Variants in MARCHF1 observed in about 807,000 individuals in gnomAD.
MARCHF1 encodes E3 ubiquitin-protein ligase MARCHF1.
In MARCHF1, 40 loss-of-function variants were observed where a neutral mutation model predicts 54.2. The ratio of observed to expected loss-of-function variants is 0.74; its 90% CI spans 0.57 to 0.96. The LOEUF (loss-of-function observed/expected upper bound fraction) is 0.96, where lower values mean the gene tolerates loss of function less well. Among genes scored for constraint, MARCHF1 ranks in the 40% least tolerant of loss-of-function variants. MARCHF1 has a pLI of 0.00. For missense variants in MARCHF1, 586 were observed against 656.5 expected (o/e 0.89, Z 1.17); for synonymous variants, 236 against 236.3 (o/e 1.00, Z 0.01).
chr4:163,542,675 G>A (rs1288092886), intron 9 of MARCHF1, among the ~76,000 whole-genome samples: 1 of 152,192 alleles, frequency 6.6e-6, no homozygotes, highest in Non-Finnish European at 1.5e-5. Context: ...AGAATCACCT[G>A]TAGGCTTCTT....
At chr4:163,658,025 A>G (rs1293988186) in intron 5 of MARCHF1, among the ~76,000 whole-genome samples, 2 of 152,034 alleles carry the variant, frequency 1.3e-5, no homozygotes, top group Non-Finnish European at 2.9e-5. Context: ...GACAAAAATC[A>G]CCAAAAGCAA....
rs1741398896 is a variant in MARCHF1, at chr4:163,613,039, C to A, written c.243-1G>T. On this transcript the variant is annotated splice_acceptor_variant, in intron 6 of 9. Transcript: ENST00000514618. LOFTEE classifies it high-confidence loss of function. ...TGACATGTCATGCAAGATGGCAGAT[C>A]TAGACAGAGCAGCAGGCAAAGGATG... 1 of 1,477,626 alleles carries A rather than the reference C, an allele frequency of 6.8e-7. No individual in the cohort carries two copies. The highest frequency in any genetic ancestry group is 1.4e-5 in the African/African-American group (1 of 70,352). 91.5% of individuals were successfully genotyped at this position (1,477,626 alleles called of 1,614,324 possible). A position where few individuals can be genotyped will look rare whatever the true frequency, so the allele number is the denominator to read the frequency against.
intron 5 of MARCHF1, among the ~76,000 whole-genome samples, chr4:163,646,161 G>GTT (rs1311818462): frequency 6.6e-6 from 1 of 152,060 alleles, no homozygotes; most frequent in African/African-American, 2.4e-5. Flanking sequence ...GGGAACCTCC[G>GTT]TTAGGTTATC....
chr4:163,907,929 A>C (rs1751107127), intron 3 of MARCHF1, among the ~76,000 whole-genome samples: 1 of 152,120 alleles, frequency 6.6e-6, no homozygotes, highest in African/African-American at 2.4e-5. Context: ...CATACCAGAA[A>C]CCTGAAGACT....
intron 2 of MARCHF1, among the ~76,000 whole-genome samples, chr4:163,989,150 T>C (rs1362359779): frequency 6.6e-6 from 1 of 152,174 alleles, no homozygotes; most frequent in Non-Finnish European, 1.5e-5. Context: ...AAAAGCTTAG[T>C]GTCCTATTTG....
chr4:164,124,070 A>C (rs1280244326), intron 1 of MARCHF1, among the ~76,000 whole-genome samples: 1 of 151,968 alleles, frequency 6.6e-6, no homozygotes, highest in Admixed American at 6.6e-5. Flanking sequence ...AATTGTAATA[A>C]TCTGATCAAA....
chr4:164,241,765 T>A (rs1200438887), intron 1 of MARCHF1, among the ~76,000 whole-genome samples: 1 of 152,050 alleles, frequency 6.6e-6, no homozygotes, highest in Non-Finnish European at 1.5e-5. Flanking sequence ...GGTCAGTGGG[T>A]GCGCGCACAG....
rs962534343 is a variant in MARCHF1 at position 163,968,638 on chromosome 4, A to G, written c.-39+19863T>C. Among the ~76,000 whole-genome samples the G allele has an allele frequency of 7.2e-5, 11 of 152,014 alleles. 1 individual carries two copies. Among genetic ancestry groups the G allele is most frequent in the South Asian group, 4.1e-4 (2 of 4,824 alleles). On this transcript the variant is annotated intron_variant, in intron 3 of 9. Coordinates refer to ENST00000514618, the MANE Select transcript of MARCHF1 (RefSeq NM_001394959.1). ...CTTTATAAACACTTTCTGCTTTCCT[A>G]TGGTTCTGGGGACCTCTTCCCAGTT...
intron 8 of MARCHF1, chr4:163,556,004 A>G (rs976144294): frequency 2.2e-6 from 1 of 456,140 alleles, no homozygotes; most frequent in Admixed American, 2.3e-5. Context: ...AAGCTTTTAA[A>G]AATACCCAAT....
chr4:163,682,634 A>T (rs1041018736), intron 5 of MARCHF1, among the ~76,000 whole-genome samples: 1 of 152,122 alleles, frequency 6.6e-6, no homozygotes, highest in African/African-American at 2.4e-5. Context: ...CATGCTGTGG[A>T]AGGGACCCAG....
chr4:163,827,150 T>C (rs1235897336), intron 4 of MARCHF1, among the ~76,000 whole-genome samples: 1 of 152,140 alleles, frequency 6.6e-6, no homozygotes, highest in Middle Eastern at 3.2e-3. Flanking sequence ...TGTCTCCTTT[T>C]ATCTTCGGCT....
chr4:164,069,880 G>A (rs1754826122), intron 2 of MARCHF1, among the ~76,000 whole-genome samples: 1 of 152,128 alleles, frequency 6.6e-6, no homozygotes, highest in Non-Finnish European at 1.5e-5. Flanking sequence ...CCCTATCAAT[G>A]GTATATTGGA....
At chr4:163,979,521 A>C (rs372438416) in intron 3 of MARCHF1, among the ~76,000 whole-genome samples, 77 of 135,382 alleles carry the variant, frequency 5.7e-4, no homozygotes, top group South Asian at 1.7e-3. Context: ...ATTTATAGTC[A>C]TTTGGGTATA....
chr4:163,934,223 A>G (rs1332539449), intron 3 of MARCHF1, among the ~76,000 whole-genome samples: 2 of 152,128 alleles, frequency 1.3e-5, no homozygotes, highest in African/African-American at 2.4e-5. Context: ...GATATGCCCT[A>G]TGTAACAGCA....
intron 1 of MARCHF1, among the ~76,000 whole-genome samples, chr4:164,131,639 T>G (rs1756303270): frequency 6.6e-6 from 1 of 152,120 alleles, no homozygotes; most frequent in African/African-American, 2.4e-5. Flanking sequence ...TCCCAGGATC[T>G]AAAGTTTTAT....
intron 3 of MARCHF1, among the ~76,000 whole-genome samples, chr4:163,902,774 T>C (rs1356859218): frequency 6.6e-6 from 1 of 152,226 alleles, no homozygotes; most frequent in Non-Finnish European, 1.5e-5. Context: ...CATATCATTA[T>C]TACTGCTGCA....
chr4:163,912,935 C>T (rs529890912), intron 3 of MARCHF1, among the ~76,000 whole-genome samples: 2 of 152,232 alleles, frequency 1.3e-5, no homozygotes, highest in South Asian at 4.1e-4. Flanking sequence ...AAGCAAGTTG[C>T]ACATTAATTT....
At chr4:163,635,297 A>G (rs374802926) in intron 5 of MARCHF1, among the ~76,000 whole-genome samples, 15,006 of 142,988 alleles carry the variant, frequency 0.1, 1,385 homozygotes, top group African/African-American at 0.26. Context: ...CAAAAAATTA[A>G]TGAATCCAGG....
intron 5 of MARCHF1, among the ~76,000 whole-genome samples, chr4:163,683,936 C>T (rs1351408918): frequency 2.6e-5 from 4 of 151,934 alleles, no homozygotes; most frequent in Non-Finnish European, 5.9e-5. Flanking sequence ...CTCACTCACA[C>T]GTCTACCTGC....
Sources: gnomAD v4.1 joint callset for allele counts (sites outside exome capture counted in the v4.1 genomes callset) on GRCh38, gnomAD v4.1.1 for gene constraint, MANE v1.5 for transcripts, NCBI Gene and HGNC (gene_info 2026-07-23, HGNC 2026-07-21) for gene names.